Variants in MTCL1 observed in about 807,000 individuals in gnomAD.
MTCL1 encodes microtubule crosslinking factor 1, also known as microtubule cross-linking factor 1.
Under a neutral mutation model 141.4 loss-of-function variants are expected in MTCL1, and 79 were observed. The ratio of observed to expected loss-of-function variants is 0.56; its 90% CI spans 0.47 to 0.67. MTCL1 has a LOEUF of 0.67. Ranked by LOEUF, MTCL1 falls within the 30% of genes least tolerant of loss-of-function variation. The probability of loss-of-function intolerance (pLI) is 0.00; values close to 1 mark genes in which losing one functional copy is unlikely to be tolerated. For synonymous variants in MTCL1, 914 were observed against 875.8 expected, an observed-to-expected ratio of 1.04 and a Z score of -0.77; for missense variants, 2,177 against 2,113.9, an observed-to-expected ratio of 1.03 and a Z score of -0.59.
chr18:8,711,513 A>G (rs1186258253), intron 1 of MTCL1, among the ~76,000 whole-genome samples: 1 of 141,046 alleles, frequency 7.1e-6, no homozygotes, highest in African/African-American at 2.6e-5. Flanking sequence ...CCAACAGTGT[A>G]AAAGTGTTCC....
chr18:8,797,447 A>G (rs2143897910), intron 9 of MTCL1, among the ~76,000 whole-genome samples: 1 of 152,342 alleles, frequency 6.6e-6, no homozygotes, highest in East Asian at 1.9e-4. Context: ...TTTGCACTGC[A>G]GGCTCCTTCC....
intron 5 of MTCL1, 41 bp from the exon 5 acceptor site, chr18:8,783,488 AT>A (rs975010118): frequency 2.7e-6 from 4 of 1,503,626 alleles, no homozygotes; most frequent in African/African-American, 2.8e-5. Flanking sequence ...AACATTTGGT[AT>A]TTTCAAATAA....
chr18:8,831,109 T>C, intron 16 of MTCL1: 1 of 987,340 alleles, frequency 1.0e-6, no homozygotes, highest in South Asian at 4.7e-5. Flanking sequence ...GCAGAGTTCG[T>C]TTAAGACGAC....
At chr18:8,768,584 T>G (rs1342946533) in intron 4 of MTCL1, among the ~76,000 whole-genome samples, 4 of 152,214 alleles carry the variant, frequency 2.6e-5, no homozygotes, top group Non-Finnish European at 5.9e-5. Flanking sequence ...TCTGAAAAAC[T>G]GATGATGGGT....
exon 6 of MTCL1, chr18:8,784,201 G>A: frequency 6.2e-7 from 1 of 1,613,572 alleles, no homozygotes; most frequent in Non-Finnish European, 8.5e-7. Context: ...ACGCGCTGCT[G>A]TCCAACATCC....
intron 4 of MTCL1, among the ~76,000 whole-genome samples, chr18:8,738,218 ATAAT>A (rs910856606): frequency 2.6e-5 from 4 of 152,202 alleles, no homozygotes; most frequent in Non-Finnish European, 5.9e-5. Flanking sequence ...GTTTTTAAAA[ATAAT>A]TGTATGCATT....
chr18:8,798,905 C>T (rs928356798), intron 10 of MTCL1, among the ~76,000 whole-genome samples: 3 of 152,136 alleles, frequency 2.0e-5, no homozygotes, highest in Admixed American at 6.5e-5. Context: ...ATGGCAGTGA[C>T]GGAGGATTTG....
intron 4 of MTCL1, among the ~76,000 whole-genome samples, chr18:8,773,335 C>T (rs2096492409): frequency 6.6e-6 from 1 of 152,016 alleles, no homozygotes; most frequent in Admixed American, 6.6e-5. Flanking sequence ...ACTGAGTGCC[C>T]TACTTTTTTG....
intron 4 of MTCL1, among the ~76,000 whole-genome samples, chr18:8,763,163 C>T (rs895202142): frequency 2.0e-5 from 3 of 152,120 alleles, no homozygotes; most frequent in Non-Finnish European, 2.9e-5. Flanking sequence ...CAAGATGTGC[C>T]GAGTTGTTCT....
intron 16 of MTCL1, chr18:8,829,127 A>G (rs1479317647): frequency 4.1e-6 from 4 of 985,330 alleles, no homozygotes; most frequent in Non-Finnish European, 3.6e-6. Flanking sequence ...ACAGATTGAT[A>G]AGGCCAGAGA....
chr18:8,800,183 C>T (rs1323999735), intron 10 of MTCL1, among the ~76,000 whole-genome samples: 2 of 152,220 alleles, frequency 1.3e-5, no homozygotes, highest in African/African-American at 4.8e-5. Flanking sequence ...CTGTGACTGG[C>T]ATGAGTATTA....
chr18:8,741,582 G>A (rs520846), intron 4 of MTCL1, among the ~76,000 whole-genome samples: 43,838 of 152,018 alleles, frequency 0.29, 6,487 homozygotes, highest in South Asian at 0.41. Context: ...CAGCTAAATG[G>A]AAAACTGTGA....
chr18:8,799,147 C>A (rs1022838950), intron 10 of MTCL1, among the ~76,000 whole-genome samples: 1 of 152,222 alleles, frequency 6.6e-6, no homozygotes, highest in African/African-American at 2.4e-5. Context: ...AGCCTCTCAG[C>A]CACAGACACT....
At chr18:8,744,193 A>G (rs939596561) in intron 4 of MTCL1, among the ~76,000 whole-genome samples, 2 of 152,252 alleles carry the variant, frequency 1.3e-5, no homozygotes, top group Admixed American at 6.5e-5. Flanking sequence ...GCCCGGGCCC[A>G]CTGGCACCCT....
chr18:8,803,537 A>C (rs189258411), intron 10 of MTCL1, among the ~76,000 whole-genome samples: 16 of 152,298 alleles, frequency 1.1e-4, no homozygotes, highest in Admixed American at 2.0e-4. Flanking sequence ...GGGTCTTCAG[A>C]AATGTTGACA....
intron 10 of MTCL1, among the ~76,000 whole-genome samples, chr18:8,799,284 A>C (rs1012700325): frequency 7.9e-5 from 12 of 152,336 alleles, no homozygotes; most frequent in African/African-American, 2.9e-4. Flanking sequence ...TCAGATCCAG[A>C]TGAGGACAGG....
exon 8 of MTCL1, chr18:8,792,998 C>G (rs1171605090): frequency 1.9e-6 from 3 of 1,613,880 alleles, no homozygotes; most frequent in Non-Finnish European, 2.5e-6. Context: ...CACCGATCAG[C>G]TCAGGGGCCC....
At chr18:8,755,212 G>C (rs2096390942) in intron 4 of MTCL1, among the ~76,000 whole-genome samples, 1 of 152,228 alleles carries the variant, frequency 6.6e-6, no homozygotes, top group Admixed American at 6.5e-5. Flanking sequence ...TCACACGCGT[G>C]ACAGGACGAG....
rs56116437 is a variant in MTCL1, at chr18:8,742,039, C to CA, written c.357+21554dup. Among the ~76,000 whole-genome samples, 1,222 of 139,354 alleles carry CA rather than the reference C, an allele frequency of 8.8e-3. 14 individuals carry two copies. The highest frequency in any genetic ancestry group is 0.024 in the African/African-American group (872 of 36,852). The allele number at this position is 139,354 out of a possible 152,430, so 91.4% of individuals were successfully genotyped here. A position where few individuals can be genotyped will look rare whatever the true frequency, so the allele number is the denominator to read the frequency against. ...TGTCCTCAGGAGCTCTAATGCAGGG[C>CA]AAAAAAAAAAAGCACTGTGCTATGG... is the stretch of plus-strand genomic sequence containing the variant. On this transcript the variant is annotated intron_variant, in intron 4 of 16. Transcript: ENST00000359865.
Sources: allele counts gnomAD v4.1 joint callset (sites outside exome capture counted in the v4.1 genomes callset), GRCh38; gene constraint gnomAD v4.1.1; transcripts MANE v1.5; gene names NCBI Gene and HGNC (gene_info 2026-07-23, HGNC 2026-07-21).